Variants in PIGN observed in about 807,000 individuals in gnomAD.
PIGN encodes the protein GPI ethanolamine phosphate transferase 1.
In PIGN, 117 loss-of-function variants were observed where a neutral mutation model predicts 125.4. That is an observed-to-expected ratio of 0.93 (90% confidence interval 0.80 to 1.09). The LOEUF (loss-of-function observed/expected upper bound fraction) is 1.09, where lower values mean the gene tolerates loss of function less well. Among genes scored for constraint, PIGN ranks in the 50% least tolerant of loss-of-function variants. The probability of loss-of-function intolerance (pLI) is 0.00; values close to 1 mark genes in which losing one functional copy is unlikely to be tolerated. For synonymous variants in PIGN, 392 were observed against 377.8 expected (o/e 1.04, Z -0.44); for missense variants, 1,075 against 1,094.9 (o/e 0.98, Z 0.26).
chr18:62,160,522 G>GT (rs1182536711), intron 4 of PIGN, among the ~76,000 whole-genome samples: 1,608 of 141,380 alleles, frequency 0.011, 24 homozygotes, highest in African/African-American at 0.032. Context: ...CTTTTTTTTT[G>GT]TTTTTTTTTT....
rs71160808 is a variant in PIGN at position 62,041,706 on chromosome 18, T to TGTGTGTGTGTGTGTGTGTGTG, written c.*4149_*4150insCACACACACACACACACACAC. The TGTGTGTGTGTGTGTGTGTGTG allele has an allele frequency of 3.0e-5, 4 of 134,768 alleles. No homozygotes were observed. Among genetic ancestry groups the TGTGTGTGTGTGTGTGTGTGTG allele is most frequent in the African/African-American group, 8.6e-5 (3 of 35,002 alleles). 8.3% of individuals were successfully genotyped at this position (134,768 alleles called of 1,614,324 possible). A position where few individuals can be genotyped will look rare whatever the true frequency, so the allele number is the denominator to read the frequency against. On this transcript the variant is annotated 3_prime_UTR_variant, in exon 31 of 31. Coordinates refer to ENST00000640252, the MANE Select transcript of PIGN (RefSeq NM_176787.5). ...GTGTGTGTGTGTGTGTGTGTGTGTG[T>TGTGTGTGTGTGTGTGTGTGTG]TTAGTAGAGATGGGGTTTTGCCATC...
intron 14 of PIGN, among the ~76,000 whole-genome samples, chr18:62,129,506 CTTAT>C (rs1281489858): frequency 9.2e-5 from 14 of 152,162 alleles, no homozygotes. Flanking sequence ...CTGAAGTTGT[CTTAT>C]TTAACTTCCT....
chr18:62,087,943 A>C (rs1362586640), intron 25 of PIGN, among the ~76,000 whole-genome samples: 1 of 152,212 alleles, frequency 6.6e-6, no homozygotes, highest in Non-Finnish European at 1.5e-5. Context: ...TTAAATGTAC[A>C]GCATGGTGAC....
chr18:62,081,202 C>T (rs2033433239), intron 28 of PIGN, among the ~76,000 whole-genome samples: 1 of 151,972 alleles, frequency 6.6e-6, no homozygotes, highest in Non-Finnish European at 1.5e-5. Context: ...AGGCTTCCAA[C>T]AGTTGTAAGA....
intron 23 of PIGN, among the ~76,000 whole-genome samples, chr18:62,034,011 G>T (rs1198623856): frequency 6.6e-6 from 1 of 152,044 alleles, no homozygotes; most frequent in South Asian, 2.1e-4. Context: ...AGCCCAGATG[G>T]GTCTGTGTGA....
rs77462365 is a variant in PIGN, at chr18:62,151,409, G to A, written c.550-3071C>T. 9.5e-3 allele frequency among the ~76,000 whole-genome samples: 1,449 copies of A among 152,278 alleles called. 42 individuals are homozygous for A. Among genetic ancestry groups the A allele is most frequent in the East Asian group, 0.067 (345 of 5,178 alleles). ...CAGAGAGATGCAACTTCTCAGGTAT[G>A]TGCATTAATAGACCAAATGGCATAG... On this transcript the variant is annotated intron_variant, in intron 7 of 30. Coordinates refer to ENST00000640252, the MANE Select transcript of PIGN (RefSeq NM_176787.5).
chr18:62,108,923 A>G (rs1320349909), intron 17 of PIGN, among the ~76,000 whole-genome samples: 1 of 152,220 alleles, frequency 6.6e-6, no homozygotes, highest in Non-Finnish European at 1.5e-5. Flanking sequence ...ATGTTTTAAA[A>G]GAAGGAAGAA....
chr18:62,069,509 C>A (rs1395560518), intron 30 of PIGN: 1 of 152,184 alleles, frequency 6.6e-6, no homozygotes, highest in African/African-American at 2.4e-5. Context: ...ATCATTCAGC[C>A]TTTAAAAGGA....
At chr18:62,035,590 A>G (rs1277219578) in intron 23 of PIGN, among the ~76,000 whole-genome samples, 1 of 151,950 alleles carries the variant, frequency 6.6e-6, no homozygotes, top group Non-Finnish European at 1.5e-5. Flanking sequence ...GGTTTGTTAC[A>G]TATGTATACA....
At chr18:62,069,051 C>T (rs762826379) in intron 30 of PIGN, among the ~76,000 whole-genome samples, 5 of 152,206 alleles carry the variant, frequency 3.3e-5, no homozygotes, top group Non-Finnish European at 7.3e-5. Context: ...CTGTGAGTTT[C>T]TCATCCCCAG....
intron 1 of PIGN, chr18:62,186,402 T>TC (rs2038016986): frequency 1.3e-5 from 2 of 152,274 alleles, no homozygotes; most frequent in Admixed American, 6.5e-5. Context: ...ATCTGTCTAC[T>TC]GGTGAGACAG....
At chr18:62,169,415 T>C (rs544058198) in intron 1 of PIGN, among the ~76,000 whole-genome samples, 1 of 152,342 alleles carries the variant, frequency 6.6e-6, no homozygotes, top group East Asian at 1.9e-4. Flanking sequence ...CTATGAAGAA[T>C]CACGTAACAG....
chr18:62,092,848 A>G lies in PIGN; in HGVS notation c.2181-2270T>C, dbSNP rs1032299376. 3.9e-5 allele frequency among the ~76,000 whole-genome samples: 6 copies of G among 152,120 alleles called. 1 individual carries two copies. The highest frequency in any genetic ancestry group is 4.4e-5 in the Non-Finnish European group (3 of 67,938). On this transcript the variant is annotated intron_variant, in intron 23 of 30. Transcript: ENST00000640252. ...TATCCCTGGCCTTTCTTTAAAGTTC[A>G]GTTCAACATCATTGATGGCACTAAC...
intron 21 of PIGN, among the ~76,000 whole-genome samples, 155 bp from the exon 22 acceptor site, chr18:62,101,338 T>G (rs1240886158): frequency 2.6e-5 from 4 of 152,346 alleles, no homozygotes; most frequent in African/African-American, 9.6e-5. Flanking sequence ...CAGGAACTGA[T>G]GCAAGTTAAT....
intron 1 of PIGN, among the ~76,000 whole-genome samples, chr18:62,170,509 A>C (rs1297675683): frequency 1.3e-5 from 2 of 152,234 alleles, no homozygotes; most frequent in African/African-American, 4.8e-5. Flanking sequence ...ATAAGACAGC[A>C]AACTTAATAA....
At chr18:62,184,280 CT>C (rs1462859254) in intron 1 of PIGN, among the ~76,000 whole-genome samples, 1 of 152,136 alleles carries the variant, frequency 6.6e-6, no homozygotes, top group African/African-American at 2.4e-5. Context: ...AAAAAGGCAT[CT>C]TTTACATCTT....
chr18:62,108,322 T>C (rs977525872), intron 17 of PIGN, among the ~76,000 whole-genome samples: 8 of 152,094 alleles, frequency 5.3e-5, no homozygotes, highest in African/African-American at 1.9e-4. Context: ...AAAATTTAAA[T>C]ATATATGTTT....
In PIGN at chr18:62,157,207, C is replaced by G. The variant is rs200756305; in HGVS notation, c.364G>C (p.Glu122Gln). 966 of 1,605,066 alleles carry G rather than the reference C, an allele frequency of 6.0e-4. 4 individuals carry two copies. In the Middle Eastern group the frequency reaches 0.01, roughly 17 times the overall value. The change falls in exon 6 of 31, where the codon GAG becomes CAG. Residue 122 changes from glutamate (E) to glutamine (Q), a missense_variant. Glu to Gln is a conservative substitution (Grantham distance 29). Around this residue, in one of 3 missense-constraint regions of PIGN, gnomAD observed 152 missense variants for 162.9 expected, o/e 0.93. Coordinates refer to ENST00000640252, the MANE Select transcript of PIGN (RefSeq NM_176787.5). Reference sequence around the variant, plus strand: ...CTTTCATTAAAAAGAGAATCAAACTCTACAGGATTTTCCTTCCATCCTTCA... The same window carrying G: ...CTTTCATTAAAAAGAGAATCAAACTGTACAGGATTTTCCTTCCATCCTTCA... ...VAKGWKENPV[E>Q]FDSLFNESKY... is the part of the protein sequence containing the mutation.
intron 23 of PIGN, among the ~76,000 whole-genome samples, chr18:62,029,364 G>A (rs1050262764): frequency 2.0e-5 from 3 of 152,008 alleles, no homozygotes; most frequent in African/African-American, 7.2e-5. Context: ...TCATTATAAC[G>A]GTCTCTAACC....
Sources: gnomAD v4.1 joint callset for allele counts (sites outside exome capture counted in the v4.1 genomes callset) on GRCh38, gnomAD v4.1.1 for gene constraint, gnomAD v4.1.1 regional missense constraint, MANE v1.5 for transcripts, NCBI Gene and HGNC (gene_info 2026-07-23, HGNC 2026-07-21) for gene names.